Variants in GRM5 observed in about 807,000 individuals in gnomAD.
GRM5 encodes metabotropic glutamate receptor 5.
Under a neutral mutation model 83.1 loss-of-function variants are expected in GRM5, and 19 were observed. The ratio of observed to expected loss-of-function variants is 0.23; its 90% CI spans 0.16 to 0.34. The LOEUF (loss-of-function observed/expected upper bound fraction) is 0.34. Ranked by LOEUF, GRM5 falls within the 10% of genes least tolerant of loss-of-function variation. The pLI is 1.00. For synonymous variants in GRM5, 675 were observed against 633.6 expected (o/e 1.07, Z -0.98); for missense variants, 1,160 against 1,588.3 (o/e 0.73, Z 4.58).
chr11:89,065,397 C>G (rs1942080662), intron 1 of GRM5, among the ~76,000 whole-genome samples: 1 of 144,128 alleles, frequency 6.9e-6, no homozygotes, highest in Non-Finnish European at 1.5e-5. Context: ...TTTTCCTCCT[C>G]TGTTTTTTTT....
At chr11:89,042,661 C>A (rs1425304374) in intron 2 of GRM5, among the ~76,000 whole-genome samples, 1 of 152,076 alleles carries the variant, frequency 6.6e-6, no homozygotes, top group Non-Finnish European at 1.5e-5. Context: ...TATTATTTTT[C>A]CAAGGTAAAT....
Position 89,047,582 on chromosome 11 carries a change from G to A in GRM5, c.291C>T (p.Asp97=), listed in dbSNP as rs201852926. 3 of 1,614,156 alleles carry A rather than the reference G, an allele frequency of 1.9e-6. No homozygotes were observed. The highest frequency in any genetic ancestry group is 1.7e-6 in the Non-Finnish European group (2 of 1,180,022). The change falls in exon 2 of 10, where the codon GAC becomes GAT. Residue 97 remains aspartate, a synonymous_variant. Coordinates refer to ENST00000305447, the MANE Select transcript of GRM5 (RefSeq NM_001143831.3). The surrounding 1 kb of genome is among the most constrained non-coding windows in gnomAD (Gnocchi z 5.1). ...GGGCCACAGCCGAATGCCAGCAGGA[G>A]TCCCTTATCTCACAGCCCAGTGTGA... is the stretch of plus-strand genomic sequence containing the variant. ...PNITLGCEIR[D]SCWHSAVALE... is the part of the protein sequence containing the mutation.
intron 2 of GRM5, among the ~76,000 whole-genome samples, chr11:88,898,781 A>G (rs1246328010): frequency 2.0e-5 from 3 of 152,134 alleles, no homozygotes; most frequent in African/African-American, 4.8e-5. Context: ...TTTGAACTAT[A>G]TATCTATTTA....
intron 2 of GRM5, among the ~76,000 whole-genome samples, chr11:89,010,006 A>G (rs954345367): frequency 6.8e-6 from 1 of 148,136 alleles, no homozygotes; most frequent in African/African-American, 2.5e-5. Flanking sequence ...CAAACTCCAC[A>G]TATGTATATA....
intron 8 of GRM5, among the ~76,000 whole-genome samples, chr11:88,556,414 C>T (rs1428924514): frequency 6.6e-6 from 1 of 150,510 alleles, no homozygotes; most frequent in African/African-American, 2.5e-5. Context: ...TCTCCACCTT[C>T]TGGGTTTAAG....
intron 5 of GRM5, among the ~76,000 whole-genome samples, chr11:88,601,201 C>G (rs747564936): frequency 1.3e-5 from 2 of 152,096 alleles, no homozygotes; most frequent in Non-Finnish European, 2.9e-5. Context: ...AGATTTTTTA[C>G]CAGGACAATC....
rs1424064199 is a variant in GRM5, at chr11:88,875,415, T to C, written c.662-25260A>G. 2.0e-5 allele frequency among the ~76,000 whole-genome samples: 3 copies of C among 152,124 alleles called. No individual in the cohort carries two copies. In the East Asian group the frequency reaches 5.8e-4, roughly 29 times the overall value. On this transcript the variant is annotated intron_variant, in intron 2 of 9. Transcript: ENST00000305447. ...TTCTCTTACTCTTCTACCACATCTG[T>C]AGTTAATTCTTCTACTTGAAGTCTT...
chr11:88,716,579 G>C (rs1250146269), intron 3 of GRM5, among the ~76,000 whole-genome samples: 1 of 151,920 alleles, frequency 6.6e-6, no homozygotes, highest in Non-Finnish European at 1.5e-5. Flanking sequence ...ACAATGTTAA[G>C]ATACAAATAT....
chr11:88,618,246 C>T (rs1248670700), intron 4 of GRM5, among the ~76,000 whole-genome samples: 1 of 152,114 alleles, frequency 6.6e-6, no homozygotes, highest in Non-Finnish European at 1.5e-5. Context: ...TTAAACAGCA[C>T]CCAAGATTGC....
At chr11:88,915,698 C>A (rs1945578381) in intron 2 of GRM5, among the ~76,000 whole-genome samples, 1 of 152,144 alleles carries the variant, frequency 6.6e-6, no homozygotes, top group Non-Finnish European at 1.5e-5. Flanking sequence ...TTCTTCAGTT[C>A]TTAGGAAATA....
chr11:88,537,349 A>C (rs1386326116), intron 8 of GRM5, among the ~76,000 whole-genome samples: 1 of 152,226 alleles, frequency 6.6e-6, no homozygotes, highest in African/African-American at 2.4e-5. Context: ...AAATACACCA[A>C]AAATCTGAAG....
intron 3 of GRM5, among the ~76,000 whole-genome samples, chr11:88,794,858 C>T (rs1338548577): frequency 6.6e-6 from 1 of 152,186 alleles, no homozygotes; most frequent in Non-Finnish European, 1.5e-5. Flanking sequence ...CTACACATAG[C>T]ATCCAATGTT....
At chr11:88,671,475 A>G (rs1382265071) in intron 3 of GRM5, among the ~76,000 whole-genome samples, 1 of 152,060 alleles carries the variant, frequency 6.6e-6, no homozygotes, top group Non-Finnish European at 1.5e-5. Flanking sequence ...CAACTCTTAC[A>G]TTCACAGTAG....
At chr11:88,866,378 G>T (rs1413526951) in intron 2 of GRM5, among the ~76,000 whole-genome samples, 2 of 152,018 alleles carry the variant, frequency 1.3e-5, no homozygotes, top group African/African-American at 4.8e-5. Flanking sequence ...ACAGGGAGGG[G>T]ATCACCACAC....
chr11:88,517,575 A>G (rs1210804416), intron 9 of GRM5, among the ~76,000 whole-genome samples: 1 of 152,192 alleles, frequency 6.6e-6, no homozygotes, highest in East Asian at 1.9e-4. Context: ...ACATTTCAAT[A>G]TTACCATTAT....
rs916190660 is a variant in GRM5, at chr11:88,938,410, A to G, written c.662-88255T>C. ...GAAGGACTATATATCCATTATTTAG[A>G]AAATTTACTTAAGAAACAGAGCCTG... On this transcript the variant is annotated intron_variant, in intron 2 of 9. Transcript: ENST00000305447. 1.2e-4 allele frequency among the ~76,000 whole-genome samples: 18 copies of G among 151,644 alleles called. 1 individual carries two copies. The highest frequency in any genetic ancestry group is 4.3e-4 in the African/African-American group (18 of 41,402).
intron 2 of GRM5, among the ~76,000 whole-genome samples, chr11:88,889,062 A>T (rs1348812387): frequency 6.6e-6 from 1 of 152,146 alleles, no homozygotes; most frequent in Non-Finnish European, 1.5e-5. Flanking sequence ...GTTTGTCAAT[A>T]AGGGAGCTGC....
At chr11:88,828,100 A>G (rs184609532) in intron 3 of GRM5, among the ~76,000 whole-genome samples, 2 of 152,288 alleles carry the variant, frequency 1.3e-5, no homozygotes, top group Non-Finnish European at 2.9e-5. Context: ...CCTGAGGTGG[A>G]AGTGAGACTA....
At chr11:88,930,488 T>C (rs1254494355) in intron 2 of GRM5, among the ~76,000 whole-genome samples, 1 of 152,116 alleles carries the variant, frequency 6.6e-6, no homozygotes, top group Non-Finnish European at 1.5e-5. Context: ...ACTTTTATCA[T>C]GTGGCCCTCA....
Sources: allele counts gnomAD v4.1 joint callset (sites outside exome capture counted in the v4.1 genomes callset), GRCh38; gene constraint gnomAD v4.1.1; non-coding constraint Gnocchi (gnomAD v3.1); transcripts MANE v1.5; gene names NCBI Gene and HGNC (gene_info 2026-07-23, HGNC 2026-07-21).